Variants in INPP4B observed in about 807,000 individuals in gnomAD.
INPP4B encodes inositol polyphosphate-4-phosphatase type II B.
In INPP4B, 55 loss-of-function variants were observed where a neutral mutation model predicts 122.5. That is an observed-to-expected ratio of 0.45 (90% CI 0.36 to 0.56). The LOEUF (loss-of-function observed/expected upper bound fraction) is 0.56. Ranked by LOEUF, INPP4B falls within the 20% of genes least tolerant of loss-of-function variation. INPP4B has a pLI of 0.00. For synonymous variants in INPP4B, 403 were observed against 388.7 expected (o/e 1.04, Z -0.43); for missense variants, 1,000 against 1,097.7 (o/e 0.91, Z 1.26).
At chr4:142,371,316 A>T (rs1378306409) in intron 7 of INPP4B, among the ~76,000 whole-genome samples, 1 of 152,176 alleles carries the variant, frequency 6.6e-6, no homozygotes, top group South Asian at 2.1e-4. Flanking sequence ...GAAACTATGA[A>T]ACTATTAGAA....
chr4:142,179,568 A>ATGCTAATAGGAAAAAC (rs1178754612), intron 15 of INPP4B, among the ~76,000 whole-genome samples: 7 of 3,184 alleles, frequency 2.2e-3, no homozygotes, highest in Non-Finnish European at 4.3e-3. Context: ...CTGTGAAAAA[A>ATGCTAATAGGAAAAAC]AAAACATTCA....
chr4:142,607,038 CTT>C (rs1432180688), intron 2 of INPP4B, among the ~76,000 whole-genome samples: 1 of 151,604 alleles, frequency 6.6e-6, no homozygotes, highest in African/African-American at 2.4e-5. Flanking sequence ...TGATTATTAA[CTT>C]ATATTTGGTA....
At chr4:142,640,763 T>C (rs1022217187) in intron 2 of INPP4B, among the ~76,000 whole-genome samples, 3 of 151,952 alleles carry the variant, frequency 2.0e-5, no homozygotes, top group African/African-American at 7.2e-5. Context: ...GTCAAGGGAC[T>C]TTGAAAAGCA....
chr4:142,331,617 G>T (rs1774544982), intron 7 of INPP4B, among the ~76,000 whole-genome samples: 1 of 152,150 alleles, frequency 6.6e-6, no homozygotes, highest in African/African-American at 2.4e-5. Context: ...TGTTTGAGAG[G>T]TAACAAGCAC....
chr4:142,415,904 C>CA (rs1805628671), intron 5 of INPP4B, among the ~76,000 whole-genome samples: 1 of 148,268 alleles, frequency 6.7e-6, no homozygotes, highest in Non-Finnish European at 1.5e-5. Flanking sequence ...ATCACAAGGA[C>CA]AAAAAACCGA....
chr4:142,844,646 A>G (rs1783964889), intron 1 of INPP4B, among the ~76,000 whole-genome samples: 1 of 152,220 alleles, frequency 6.6e-6, no homozygotes, highest in Non-Finnish European at 1.5e-5. Flanking sequence ...ATTTCTGTGC[A>G]TAGTATGTGA....
chr4:142,446,848 C>T (rs767593826), intron 3 of INPP4B, among the ~76,000 whole-genome samples: 5 of 152,058 alleles, frequency 3.3e-5, no homozygotes, highest in Non-Finnish European at 7.4e-5. Flanking sequence ...AAAGTAATTG[C>T]TAATTTTGCC....
intron 5 of INPP4B, among the ~76,000 whole-genome samples, chr4:142,413,191 G>A (rs1280807647): frequency 2.0e-5 from 3 of 152,048 alleles, no homozygotes; most frequent in Admixed American, 2.0e-4. Context: ...GTTTTCTTCT[G>A]TCTTTTAAGG....
chr4:142,065,787 A>G (rs904370655), intron 25 of INPP4B, among the ~76,000 whole-genome samples: 2 of 152,158 alleles, frequency 1.3e-5, no homozygotes, highest in African/African-American at 4.8e-5. Flanking sequence ...AATATACTAA[A>G]AACTACTGCA....
At chr4:142,236,226 T>C (rs1297977336) in intron 12 of INPP4B, among the ~76,000 whole-genome samples, 2 of 152,224 alleles carry the variant, frequency 1.3e-5, no homozygotes, top group African/African-American at 4.8e-5. Flanking sequence ...AGAGTGGTTC[T>C]TGGTGTCCAG....
At chr4:142,332,819 A>G (rs1348996509) in intron 7 of INPP4B, among the ~76,000 whole-genome samples, 1 of 151,124 alleles carries the variant, frequency 6.6e-6, no homozygotes, top group African/African-American at 2.4e-5. Context: ...CCTGGCTAAC[A>G]AGGCGAAATC....
chr4:142,745,982 A>ATTATC (rs1230884074), intron 1 of INPP4B, among the ~76,000 whole-genome samples: 1 of 151,968 alleles, frequency 6.6e-6, no homozygotes, highest in Non-Finnish European at 1.5e-5. Flanking sequence ...ATCATTGTTG[A>ATTATC]AGGTCTGTAA....
chr4:142,456,044 T>A (rs1815349959), intron 3 of INPP4B, among the ~76,000 whole-genome samples: 2 of 152,100 alleles, frequency 1.3e-5, no homozygotes, highest in African/African-American at 4.8e-5. Context: ...TTATATATTC[T>A]GATTATTAAC....
At chr4:142,309,253 T>A (rs1013877644) in intron 8 of INPP4B, among the ~76,000 whole-genome samples, 3 of 152,078 alleles carry the variant, frequency 2.0e-5, no homozygotes, top group Non-Finnish European at 2.9e-5. Flanking sequence ...AAGTATTTTT[T>A]AAAAAGTCTA....
chr4:142,345,340 T>G (rs145219335), intron 7 of INPP4B, among the ~76,000 whole-genome samples: 18 of 152,118 alleles, frequency 1.2e-4, no homozygotes, highest in African/African-American at 3.6e-4. Flanking sequence ...GGATCTATAT[T>G]CACCATCAGA....
intron 23 of INPP4B, among the ~76,000 whole-genome samples, chr4:142,101,272 C>T (rs1008075780): frequency 7.9e-5 from 12 of 152,080 alleles, no homozygotes; most frequent in African/African-American, 2.7e-4. Flanking sequence ...GATTGGTATT[C>T]AGATGTACCC....
intron 2 of INPP4B, among the ~76,000 whole-genome samples, chr4:142,513,243 A>G (rs1320436486): frequency 6.6e-6 from 1 of 152,174 alleles, no homozygotes; most frequent in Non-Finnish European, 1.5e-5. Flanking sequence ...CCAGAATACC[A>G]TATACTGGGT....
At chr4:142,068,067 A>G (rs1009583654) in intron 25 of INPP4B, among the ~76,000 whole-genome samples, 1 of 152,242 alleles carries the variant, frequency 6.6e-6, no homozygotes, top group Non-Finnish European at 1.5e-5. Flanking sequence ...AAAAAAGTTA[A>G]GGGCAGCCAG....
chr4:142,778,612 C>T lies in INPP4B; in HGVS notation c.-253-52711G>A, dbSNP rs1774300130. ...GGCACGCTTCCATCAGTATCAGTGA[C>T]TTACCACAGAAGATTCTCAGCTGAG... On this transcript the variant is annotated intron_variant, in intron 1 of 25. Coordinates refer to ENST00000262992, the MANE Select transcript of INPP4B (RefSeq NM_001101669.3). Among the ~76,000 whole-genome samples, 3 of 152,020 alleles carry T rather than the reference C, an allele frequency of 2.0e-5. No homozygotes were observed. In the South Asian group the frequency reaches 6.2e-4, roughly 32 times the overall value.
Sources: allele counts gnomAD v4.1 joint callset (sites outside exome capture counted in the v4.1 genomes callset), GRCh38; gene constraint gnomAD v4.1.1; transcripts MANE v1.5; gene names NCBI Gene and HGNC (gene_info 2026-07-23, HGNC 2026-07-21).